The following NAALADL2 variants were observed in gnomAD, a reference collection of about 807,000 sequenced individuals.
NAALADL2 encodes the protein inactive N-acetylated-alpha-linked acidic dipeptidase-like protein 2.
In NAALADL2, 76 loss-of-function variants were observed where a neutral mutation model predicts 87.2. The observed-to-expected ratio is 0.87, with a 90% CI of 0.72 to 1.05. The LOEUF (loss-of-function observed/expected upper bound fraction) is 1.05, where lower values mean the gene tolerates loss of function less well. NAALADL2 is among the 50% of genes least tolerant of loss of function. The pLI, the probability that NAALADL2 is intolerant of heterozygous loss-of-function variation, is 0.00. For synonymous variants in NAALADL2, 354 were observed against 331.0 expected, an observed-to-expected ratio of 1.07 and a Z score of -0.75; for missense variants, 1,089 against 945.8, an observed-to-expected ratio of 1.15 and a Z score of -1.99.
At chr3:175,076,823 A>T (rs1199579162) in intron 1 of NAALADL2, among the ~76,000 whole-genome samples, 4 of 152,220 alleles carry the variant, frequency 2.6e-5, no homozygotes, top group African/African-American at 9.6e-5. Flanking sequence ...CTCAAATGCA[A>T]ATACTTTAAA....
intron 1 of NAALADL2, among the ~76,000 whole-genome samples, chr3:174,902,499 A>G (rs1354324047): frequency 6.6e-6 from 1 of 152,122 alleles, no homozygotes; most frequent in East Asian, 1.9e-4. Flanking sequence ...AGACTCTAAA[A>G]TAACTCAAAA....
chr3:174,749,107 C>T (rs1734570286), intron 3 of NAALADL2, among the ~76,000 whole-genome samples: 1 of 147,762 alleles, frequency 6.8e-6, no homozygotes, highest in South Asian at 2.1e-4. Context: ...CTTTCACATC[C>T]CCTGTTCTAC....
At chr3:174,813,515 A>G (rs1720451455) in intron 3 of NAALADL2, among the ~76,000 whole-genome samples, 1 of 152,234 alleles carries the variant, frequency 6.6e-6, no homozygotes, top group Admixed American at 6.5e-5. Flanking sequence ...AGGTTATACC[A>G]TGTAGTTTAG....
chr3:174,555,752 AG>A (rs1560051931), intron 2 of NAALADL2, among the ~76,000 whole-genome samples: 1 of 152,154 alleles, frequency 6.6e-6, no homozygotes, highest in Non-Finnish European at 1.5e-5. Context: ...TTCTGGGTAT[AG>A]GGGATGACTT....
At chr3:175,547,065 C>T (rs1713459388) in intron 9 of NAALADL2, among the ~76,000 whole-genome samples, 2 of 152,060 alleles carry the variant, frequency 1.3e-5, no homozygotes, top group African/African-American at 2.4e-5. Flanking sequence ...CTAGACAAAA[C>T]TATTTTAAAA....
chr3:175,177,154 C>T (rs13062041), intron 2 of NAALADL2, among the ~76,000 whole-genome samples: 63,874 of 151,850 alleles, frequency 0.42, 14,095 homozygotes, highest in Non-Finnish European at 0.48. Context: ...ATCTTTCTCC[C>T]CATATGCTCC....
At chr3:175,058,801 A>G (rs1712794982) in intron 1 of NAALADL2, among the ~76,000 whole-genome samples, 1 of 152,206 alleles carries the variant, frequency 6.6e-6, no homozygotes, top group African/African-American at 2.4e-5. Flanking sequence ...CTAGAGTGTC[A>G]CCTTTCAGCA....
intron 1 of NAALADL2, among the ~76,000 whole-genome samples, chr3:174,919,474 TAAC>T (rs1463079948): frequency 6.6e-5 from 10 of 152,186 alleles, no homozygotes; most frequent in African/African-American, 1.7e-4. Context: ...CATCCATAAA[TAAC>T]AACTTCTCAT....
chr3:175,419,543 AT>A (rs1225230049), intron 5 of NAALADL2, among the ~76,000 whole-genome samples: 1 of 152,016 alleles, frequency 6.6e-6, no homozygotes. Context: ...ACTGCATATT[AT>A]TTAGCAAATA....
At chr3:175,664,303 C>T (rs1298294866) in intron 11 of NAALADL2, among the ~76,000 whole-genome samples, 2 of 152,020 alleles carry the variant, frequency 1.3e-5, no homozygotes, top group African/African-American at 2.4e-5. Context: ...TTATTGGGAA[C>T]CTTCTAGCTT....
chr3:174,953,031 A>G (rs528460996), intron 1 of NAALADL2, among the ~76,000 whole-genome samples: 93 of 152,160 alleles, frequency 6.1e-4, no homozygotes, highest in African/African-American at 2.1e-3. Context: ...GCTGCTAAAT[A>G]TATTTTCACA....
upstream of NAALADL2, among the ~76,000 whole-genome samples, chr3:174,856,010 G>A (rs1448255542): frequency 6.6e-6 from 1 of 150,398 alleles, no homozygotes; most frequent in African/African-American, 2.5e-5. Flanking sequence ...ATATGAGAGA[G>A]AGAAGTAAGA....
intron 9 of NAALADL2, among the ~76,000 whole-genome samples, chr3:175,479,322 T>C (rs1726131074): frequency 6.6e-6 from 1 of 151,794 alleles, no homozygotes; most frequent in African/African-American, 2.4e-5. Flanking sequence ...ATGAACTTAC[T>C]TTGAACAAAC....
intron 9 of NAALADL2, among the ~76,000 whole-genome samples, chr3:175,543,849 T>A (rs541072646): frequency 1.3e-5 from 2 of 152,252 alleles, no homozygotes; most frequent in African/African-American, 4.8e-5. Context: ...CTTACATTAA[T>A]AAGGAACCTC....
chr3:175,268,162 C>A (rs1273625846), intron 4 of NAALADL2, among the ~76,000 whole-genome samples: 3 of 152,088 alleles, frequency 2.0e-5, no homozygotes, highest in Non-Finnish European at 2.9e-5. Flanking sequence ...TGTACTTAGA[C>A]AAACTTAGAT....
chr3:175,270,221 T>A (rs1424434094), intron 4 of NAALADL2, among the ~76,000 whole-genome samples: 1 of 152,154 alleles, frequency 6.6e-6, no homozygotes, highest in Non-Finnish European at 1.5e-5. Context: ...GGAGAGTGTT[T>A]CAGTCCACTT....
intron 1 of NAALADL2, among the ~76,000 whole-genome samples, chr3:174,929,956 T>A (rs1193372799): frequency 6.6e-6 from 1 of 152,194 alleles, no homozygotes; most frequent in Non-Finnish European, 1.5e-5. Context: ...GCATATAGTA[T>A]GTACTCAATA....
chr3:175,455,045 G>A (rs1228030996), intron 6 of NAALADL2, among the ~76,000 whole-genome samples: 2 of 152,100 alleles, frequency 1.3e-5, no homozygotes, highest in Non-Finnish European at 2.9e-5. Flanking sequence ...AAACCTGAAA[G>A]GGCAAGAAGA....
intron 3 of NAALADL2, among the ~76,000 whole-genome samples, chr3:174,831,766 A>C (rs936913624): frequency 1.3e-4 from 20 of 151,206 alleles, no homozygotes; most frequent in Non-Finnish European, 3.0e-4. Flanking sequence ...TAAGCTATTG[A>C]TTATTGCCAC....
Sources: allele counts gnomAD v4.1 joint callset (sites outside exome capture counted in the v4.1 genomes callset), GRCh38; gene constraint gnomAD v4.1.1; transcripts MANE v1.5; gene names NCBI Gene and HGNC (gene_info 2026-07-23, HGNC 2026-07-21).